CSMD1: variants seen among roughly 807,000 people sequenced by gnomAD.
The protein encoded by CSMD1 is CUB and sushi domain-containing protein 1.
CSMD1 carries 213 observed loss-of-function variants against 417.5 expected under a neutral mutation model. That is an observed-to-expected ratio of 0.51 (90% CI 0.46 to 0.57). The LOEUF (loss-of-function observed/expected upper bound fraction) is 0.57, where lower values mean the gene tolerates loss of function less well. CSMD1 is among the 20% of genes least tolerant of loss of function. The pLI is 0.00. For synonymous variants in CSMD1, 2,862 were observed against 1,736.8 expected (o/e 1.65, Z -16.11); for missense variants, 6,923 against 4,529.7 (o/e 1.53, Z -15.17).
At chr8:3,344,866 G>A (rs980734595) in intron 22 of CSMD1, among the ~76,000 whole-genome samples, 9 of 152,184 alleles carry the variant, frequency 5.9e-5, no homozygotes, top group African/African-American at 1.9e-4. Context: ...ACATGCTAGT[G>A]GGGTAGAATC....
chr8:4,191,518 G>A (rs372342333), intron 3 of CSMD1, among the ~76,000 whole-genome samples: 1 of 152,088 alleles, frequency 6.6e-6, no homozygotes. Flanking sequence ...TGAAGTGGAG[G>A]TCACTAAAAC....
At position 4,600,957 on chromosome 8, in the gene CSMD1, T is replaced by C. The variant is rs563929899; in HGVS notation, c.302+36385A>G. On this transcript the variant is annotated intron_variant, in intron 2 of 69. Coordinates refer to ENST00000635120, the MANE Select transcript of CSMD1 (RefSeq NM_033225.6). ...CCAAAAAATTTCCCTCTTAATTAGATTTTTTTTTTTTTTTTTGAGATGAAG... is the reference window on the plus strand; with the variant it reads ...CCAAAAAATTTCCCTCTTAATTAGACTTTTTTTTTTTTTTTTGAGATGAAG... Among the ~76,000 whole-genome samples the C allele has an allele frequency of 8.9e-4, 8 of 9,000 alleles. No homozygotes were observed. The East Asian group carries it at 0.057, about 64-fold the overall frequency. The allele number at this position is 9,000 out of a possible 152,430, so 5.9% of individuals were successfully genotyped here.
chr8:3,998,419 A>T (rs1320081676), intron 4 of CSMD1, among the ~76,000 whole-genome samples: 1 of 152,220 alleles, frequency 6.6e-6, no homozygotes, highest in African/African-American at 2.4e-5. Context: ...CAAGATTTTC[A>T]GAGATTTTCT....
At chr8:4,141,164 C>G (rs1053713820) in intron 3 of CSMD1, among the ~76,000 whole-genome samples, 1 of 151,178 alleles carries the variant, frequency 6.6e-6, no homozygotes, top group East Asian at 1.9e-4. Context: ...GAACGTGTCT[C>G]TCACAGTTTC....
intron 1 of CSMD1, among the ~76,000 whole-genome samples, chr8:4,822,150 C>A (rs571805057): frequency 1.3e-5 from 2 of 151,998 alleles, no homozygotes; most frequent in South Asian, 4.2e-4. Flanking sequence ...ATGTTATAAG[C>A]CTCTGAATTT....
At chr8:2,998,690 T>G (rs1411623922) in intron 53 of CSMD1, among the ~76,000 whole-genome samples, 4 of 152,178 alleles carry the variant, frequency 2.6e-5, no homozygotes, top group African/African-American at 9.7e-5. Flanking sequence ...CTAAGCACAC[T>G]CAGCTCCTAT....
intron 1 of CSMD1, among the ~76,000 whole-genome samples, chr8:4,720,305 CCTT>C (rs1448900850): frequency 3.9e-5 from 6 of 152,170 alleles, no homozygotes; most frequent in Admixed American, 2.6e-4. Context: ...ATGTGAAATT[CCTT>C]CTTCTCAAAA....
chr8:4,537,679 G>C (rs1452406767), intron 2 of CSMD1, among the ~76,000 whole-genome samples: 1 of 152,062 alleles, frequency 6.6e-6, no homozygotes, highest in East Asian at 1.9e-4. Flanking sequence ...CTTCCTCGAA[G>C]ACTCCATCAG....
At chr8:4,647,422 C>T (rs961095279) in intron 1 of CSMD1, among the ~76,000 whole-genome samples, 8 of 146,054 alleles carry the variant, frequency 5.5e-5, no homozygotes, top group African/African-American at 2.1e-4. Flanking sequence ...GCGTGTGCCA[C>T]GGCGGCCTGC....
intron 3 of CSMD1, among the ~76,000 whole-genome samples, chr8:4,215,826 A>G (rs1409871602): frequency 6.6e-6 from 1 of 152,220 alleles, no homozygotes; most frequent in Non-Finnish European, 1.5e-5. Context: ...TTCAAAGAAC[A>G]CAGTGCATGG....
intron 3 of CSMD1, among the ~76,000 whole-genome samples, chr8:4,348,734 G>C (rs1800920863): frequency 6.6e-6 from 1 of 152,004 alleles, no homozygotes; most frequent in Non-Finnish European, 1.5e-5. Context: ...TTCGTCTTTA[G>C]GAAGACCGTG....
chr8:4,012,859 G>A (rs1796339444), intron 4 of CSMD1, among the ~76,000 whole-genome samples: 1 of 152,070 alleles, frequency 6.6e-6, no homozygotes, highest in Non-Finnish European at 1.5e-5. Context: ...TGCCATCCAT[G>A]ACTCTTCTAT....
At chr8:4,541,757 A>T (rs912620940) in intron 2 of CSMD1, among the ~76,000 whole-genome samples, 1 of 152,144 alleles carries the variant, frequency 6.6e-6, no homozygotes, top group Non-Finnish European at 1.5e-5. Context: ...AATAAGATAA[A>T]GAAAAAAAGA....
rs540422502 is a variant in CSMD1, at chr8:3,995,940, G to A, written c.818+1963C>T. ...GAGAGATTCCAGTGATGTAGAAGAT[G>A]TCTTCCAGCCTGGATCCAGGCACCA... On this transcript the variant is annotated intron_variant, in intron 5 of 69. Transcript: ENST00000635120. Among the ~76,000 whole-genome samples the A allele has an allele frequency of 2.0e-5, 3 of 152,256 alleles. No individual in the cohort carries two copies. In the South Asian group the frequency reaches 6.2e-4, roughly 32 times the overall value.
chr8:3,193,467 C>T (rs376020831), intron 33 of CSMD1, among the ~76,000 whole-genome samples: 2 of 152,192 alleles, frequency 1.3e-5, no homozygotes, highest in Admixed American at 1.3e-4. Context: ...GTCTGGGAAG[C>T]GGGTGGGTGG....
intron 5 of CSMD1, among the ~76,000 whole-genome samples, chr8:3,928,984 C>G (rs1300633553): frequency 6.6e-6 from 1 of 150,460 alleles, no homozygotes; most frequent in Non-Finnish European, 1.5e-5. Flanking sequence ...AATTGGTTGT[C>G]ATTGTATAAG....
chr8:3,549,500 C>G (rs1798818991), intron 10 of CSMD1, among the ~76,000 whole-genome samples: 1 of 152,178 alleles, frequency 6.6e-6, no homozygotes, highest in African/African-American at 2.4e-5. Flanking sequence ...TTAAGAATAG[C>G]TTGGGTCGTC....
chr8:4,253,347 G>C (rs972215016), intron 3 of CSMD1, among the ~76,000 whole-genome samples: 7 of 151,742 alleles, frequency 4.6e-5, no homozygotes, highest in Non-Finnish European at 1.0e-4. Context: ...ACTTATCACT[G>C]TATATTATAA....
intron 7 of CSMD1, among the ~76,000 whole-genome samples, chr8:3,626,326 C>G (rs1050491496): frequency 2.1e-4 from 32 of 152,126 alleles, no homozygotes; most frequent in African/African-American, 7.5e-4. Flanking sequence ...GGGGCTCACT[C>G]AAAAATATCT....
Sources: gnomAD v4.1 joint callset for allele counts (sites outside exome capture counted in the v4.1 genomes callset) on GRCh38, gnomAD v4.1.1 for gene constraint, MANE v1.5 for transcripts, NCBI Gene and HGNC (gene_info 2026-07-23, HGNC 2026-07-21) for gene names.